Variants in MDFIC observed in about 807,000 individuals in gnomAD.
MDFIC encodes the protein MyoD family inhibitor domain containing.
Under a neutral mutation model 23.2 loss-of-function variants are expected in MDFIC, and 17 were observed. That is an observed-to-expected ratio of 0.73 (90% CI 0.50 to 1.10). MDFIC has a LOEUF of 1.10. Among genes scored for constraint, MDFIC ranks in the 50% least tolerant of loss-of-function variants. The pLI is 0.00. For missense variants in MDFIC, 356 were observed against 316.6 expected (o/e 1.12, Z -0.95); for synonymous variants, 120 against 115.2 (o/e 1.04, Z -0.27).
At chr7:114,966,203 T>C (rs567626787) in intron 3 of MDFIC, among the ~76,000 whole-genome samples, 1 of 152,302 alleles carries the variant, frequency 6.6e-6, no homozygotes, top group South Asian at 2.1e-4. Flanking sequence ...TATTTATTTT[T>C]TGTAGCAAAA....
intron 2 of MDFIC, among the ~76,000 whole-genome samples, chr7:114,940,532 CTCT>C (rs1401534732): frequency 6.6e-6 from 1 of 152,182 alleles, no homozygotes; most frequent in African/African-American, 2.4e-5. Flanking sequence ...GTACTTGGTA[CTCT>C]TCTTGATATT....
chr7:115,011,309 A>G (rs1791677116), intron 4 of MDFIC, among the ~76,000 whole-genome samples: 1 of 152,238 alleles, frequency 6.6e-6, no homozygotes, highest in South Asian at 2.1e-4. Flanking sequence ...CAATATTTAT[A>G]AAGACCTTAC....
At chr7:115,007,489 A>G (rs964255219) in intron 4 of MDFIC, among the ~76,000 whole-genome samples, 2 of 151,508 alleles carry the variant, frequency 1.3e-5, no homozygotes, top group African/African-American at 4.9e-5. Context: ...TTTCTGCCCA[A>G]AAACTGACTT....
At chr7:114,995,265 T>G (rs1166080039) in intron 4 of MDFIC, among the ~76,000 whole-genome samples, 1 of 152,098 alleles carries the variant, frequency 6.6e-6, no homozygotes, top group African/African-American at 2.4e-5. Flanking sequence ...TTTTTCAAGG[T>G]TTTTATCTTC....
chr7:114,923,725 C>T (rs1455617355), intron 2 of MDFIC: 1 of 1,201,300 alleles, frequency 8.3e-7, no homozygotes, highest in Non-Finnish European at 1.1e-6. Flanking sequence ...CTATAAAATA[C>T]TCTTGTGTCT....
intron 3 of MDFIC, among the ~76,000 whole-genome samples, chr7:114,968,086 G>T (rs1304660420): frequency 2.0e-5 from 3 of 152,114 alleles, no homozygotes; most frequent in African/African-American, 7.2e-5. Context: ...CAATGTGCTG[G>T]GATTACAGGC....
At chr7:114,961,354 C>G (rs1585103820) in intron 3 of MDFIC, among the ~76,000 whole-genome samples, 1 of 152,210 alleles carries the variant, frequency 6.6e-6, no homozygotes, top group South Asian at 2.1e-4. Flanking sequence ...TTAATCTTAC[C>G]TCCTCCTGGT....
intron 3 of MDFIC, among the ~76,000 whole-genome samples, chr7:114,950,596 A>G (rs1159102516): frequency 6.6e-6 from 1 of 152,188 alleles, no homozygotes; most frequent in Non-Finnish European, 1.5e-5. Flanking sequence ...TGGGAAGAGA[A>G]GATGCAGTAT....
intron 3 of MDFIC, among the ~76,000 whole-genome samples, chr7:114,969,240 G>A (rs980117575): frequency 6.6e-5 from 10 of 152,242 alleles, no homozygotes; most frequent in Admixed American, 4.6e-4. Context: ...CCCTAGACTC[G>A]TGAAGGTGAA....
chr7:114,950,893 G>C (rs1377708185), intron 3 of MDFIC, among the ~76,000 whole-genome samples: 1 of 152,132 alleles, frequency 6.6e-6, no homozygotes, highest in Non-Finnish European at 1.5e-5. Flanking sequence ...GTCAGGAGGG[G>C]CCAAGTGCAG....
intron 4 of MDFIC, among the ~76,000 whole-genome samples, chr7:115,010,521 G>T (rs1458881336): frequency 6.6e-6 from 1 of 152,110 alleles, no homozygotes; most frequent in East Asian, 1.9e-4. Context: ...GAATATGAAT[G>T]TGTTTCTGGT....
chr7:115,001,380 A>G (rs1401673440), intron 4 of MDFIC, among the ~76,000 whole-genome samples: 3 of 152,244 alleles, frequency 2.0e-5, no homozygotes, highest in Non-Finnish European at 2.9e-5. Flanking sequence ...TGGGAATACT[A>G]TCACCATAAC....
chr7:114,994,459 A>G (rs919826781), intron 4 of MDFIC, among the ~76,000 whole-genome samples: 2 of 152,114 alleles, frequency 1.3e-5, no homozygotes, highest in South Asian at 2.1e-4. Flanking sequence ...GGTCTTTACA[A>G]TTTGGCATGT....
intron 2 of MDFIC, among the ~76,000 whole-genome samples, chr7:114,938,218 A>G (rs1792466240): frequency 6.6e-6 from 1 of 152,086 alleles, no homozygotes; most frequent in Non-Finnish European, 1.5e-5. Context: ...GGCCTTCCCA[A>G]GTGCTGGGAT....
intron 3 of MDFIC, among the ~76,000 whole-genome samples, chr7:114,953,213 A>G (rs1164239661): frequency 1.3e-5 from 2 of 152,216 alleles, no homozygotes. Context: ...CAAGTCATTC[A>G]GCATTTTTAA....
chr7:115,006,527 A>T (rs966271881), intron 4 of MDFIC, among the ~76,000 whole-genome samples: 7 of 152,210 alleles, frequency 4.6e-5, no homozygotes, highest in East Asian at 3.8e-4. Context: ...GACAAAACTG[A>T]TTTATTTTCA....
intron 3 of MDFIC, among the ~76,000 whole-genome samples, chr7:114,960,750 A>G (rs1271815052): frequency 6.6e-6 from 1 of 152,180 alleles, no homozygotes; most frequent in Non-Finnish European, 1.5e-5. Context: ...TGCAGATTCA[A>G]TATGTATATT....
intron 2 of MDFIC, among the ~76,000 whole-genome samples, chr7:114,924,568 A>T (rs916496058): frequency 2.8e-5 from 3 of 108,906 alleles, no homozygotes; most frequent in African/African-American, 9.9e-5. Flanking sequence ...AGAACCCGAA[A>T]ATCTAGAGTG....
intron 3 of MDFIC, among the ~76,000 whole-genome samples, chr7:114,951,412 T>C (rs1178261586): frequency 4.6e-5 from 7 of 152,178 alleles, no homozygotes; most frequent in Non-Finnish European, 1.0e-4. Flanking sequence ...GTCTTCTCCA[T>C]TTAGTCTAGT....
Sources: allele counts gnomAD v4.1 joint callset (sites outside exome capture counted in the v4.1 genomes callset), GRCh38; gene constraint gnomAD v4.1.1; transcripts MANE v1.5; gene names NCBI Gene and HGNC (gene_info 2026-07-23, HGNC 2026-07-21).